The following PHLDB2 variants were observed in gnomAD, a reference collection of about 807,000 sequenced individuals.
The protein encoded by PHLDB2 is pleckstrin homology like domain family B member 2.
A neutral mutation model predicts 123.6 loss-of-function variants in PHLDB2; 71 were observed. The observed-to-expected ratio is 0.57, with a 90% CI of 0.47 to 0.70. The LOEUF (loss-of-function observed/expected upper bound fraction) is 0.70, where lower values mean the gene tolerates loss of function less well. PHLDB2 is among the 30% of genes least tolerant of loss of function. The probability of loss-of-function intolerance (pLI) is 0.00; values close to 1 mark genes in which losing one functional copy is unlikely to be tolerated. For synonymous variants in PHLDB2, 547 were observed against 541.6 expected (o/e 1.01, Z -0.14); for missense variants, 1,446 against 1,519.5 (o/e 0.95, Z 0.80).
intron 16 of PHLDB2, among the ~76,000 whole-genome samples, chr3:111,973,242 G>GAA (rs5851807): frequency 2.0e-5 from 3 of 151,574 alleles, no homozygotes; most frequent in African/African-American, 4.8e-5. Context: ...GAAAACGGGG[G>GAA]AAAAATCACG....
Position 111,952,713 on chromosome 3 carries a change from G to A in PHLDB2, c.2772+1G>A. 1 of 1,611,056 alleles carries A rather than the reference G, an allele frequency of 6.2e-7. No individual in the cohort carries two copies. The highest frequency in any genetic ancestry group is 8.5e-7 in the Non-Finnish European group (1 of 1,179,192). ...TATGGGGAGAAGCATCACCCCAAAG[G>A]TAGGACCTGGGAGAAACCACGGGCT... On this transcript the variant is annotated splice_donor_variant, in intron 11 of 17. Coordinates refer to ENST00000431670, the MANE Select transcript of PHLDB2 (RefSeq NM_001134438.2). LOFTEE classifies it high-confidence loss of function.
chr3:111,929,117 T>G (rs577592046), intron 5 of PHLDB2, among the ~76,000 whole-genome samples: 1 of 152,094 alleles, frequency 6.6e-6, no homozygotes, highest in African/African-American at 2.4e-5. Flanking sequence ...AAATAAAAAA[T>G]TAATCTGGTA....
At chr3:111,936,770 A>ATTATAAGTAAT (rs1442036584) in intron 6 of PHLDB2, among the ~76,000 whole-genome samples, 33 of 152,242 alleles carry the variant, frequency 2.2e-4, no homozygotes, top group Non-Finnish European at 4.1e-4. Context: ...AATGAAGATT[A>ATTATAAGTAAT]CTTATAAGCC....
intron 1 of PHLDB2, among the ~76,000 whole-genome samples, chr3:111,742,874 C>T (rs2059627048): frequency 6.6e-6 from 1 of 152,158 alleles, no homozygotes; most frequent in South Asian, 2.1e-4. Flanking sequence ...ACATGTTTGA[C>T]ACCTTGCTAA....
At chr3:111,963,844 T>C (rs76273862) in intron 13 of PHLDB2, among the ~76,000 whole-genome samples, 1 of 152,196 alleles carries the variant, frequency 6.6e-6, no homozygotes, top group Admixed American at 6.5e-5. Context: ...GTTCAAAAAA[T>C]TTCCAATTAA....
At chr3:111,826,496 C>T (rs13088244) in intron 1 of PHLDB2, among the ~76,000 whole-genome samples, 2,828 of 152,180 alleles carry the variant, frequency 0.019, 43 homozygotes, top group Middle Eastern at 0.031. Flanking sequence ...TTCTTAGGTA[C>T]GTGGGCAATC....
At chr3:111,946,591 C>T (rs375597483) in intron 9 of PHLDB2, among the ~76,000 whole-genome samples, 119 of 152,202 alleles carry the variant, frequency 7.8e-4, no homozygotes, top group African/African-American at 2.6e-3. Context: ...TTTCATTATT[C>T]GGAACGTGGA....
Position 111,973,349 on chromosome 3 carries a change from G to T in PHLDB2, c.3536-383G>T, listed in dbSNP as rs375419110. ...ACTTTGTAAAAATTTTATTACAACA[G>T]ATCTACATATTAATATTTTCATTAC... On this transcript the variant is annotated intron_variant, in intron 16 of 17. Transcript: ENST00000431670. Among the ~76,000 whole-genome samples the T allele has an allele frequency of 1.5e-4, 23 of 152,274 alleles. No homozygotes were observed. In the East Asian group the frequency reaches 4.0e-3, roughly 27 times the overall value.
intron 13 of PHLDB2, among the ~76,000 whole-genome samples, chr3:111,962,671 G>C (rs1280248191): frequency 6.6e-6 from 1 of 152,224 alleles, no homozygotes; most frequent in African/African-American, 2.4e-5. Flanking sequence ...GCGCATGCCT[G>C]TAATCCCAGC....
At chr3:111,906,401 A>G (rs912848820) in intron 2 of PHLDB2, among the ~76,000 whole-genome samples, 7 of 152,236 alleles carry the variant, frequency 4.6e-5, no homozygotes, top group African/African-American at 1.7e-4. Flanking sequence ...TAGCTTGGCC[A>G]GGGTCACACA....
chr3:111,949,970 T>C, intron 10 of PHLDB2: 1 of 927,186 alleles, frequency 1.1e-6, no homozygotes, highest in Non-Finnish European at 1.3e-6. Flanking sequence ...TTCTTCTACT[T>C]TCCCAAAGGC....
At chr3:111,920,937 A>T (rs1195468620) in intron 5 of PHLDB2, among the ~76,000 whole-genome samples, 2 of 152,198 alleles carry the variant, frequency 1.3e-5, no homozygotes, top group Non-Finnish European at 2.9e-5. Context: ...CTGCTTTTTG[A>T]CAAATGTATT....
chr3:111,800,473 C>G (rs1377864840), intron 1 of PHLDB2, among the ~76,000 whole-genome samples: 1 of 152,070 alleles, frequency 6.6e-6, no homozygotes, highest in African/African-American at 2.4e-5. Context: ...ATGCATATAT[C>G]ATTTTAAAAC....
rs552138950 is a variant in PHLDB2 at position 111,829,867 on chromosome 3, GT to G, written c.-48-15946del. On this transcript the variant is annotated intron_variant, in intron 1 of 17. Coordinates refer to the PHLDB2 transcript ENST00000393923. ...TCCTAAACTCACAATACTTTTTTTT[GT>G]TTTTTTTATTTCATATCACCTTACA... Among the ~76,000 whole-genome samples the G allele has an allele frequency of 7.6e-4, 110 of 144,230 alleles. 1 individual carries two copies. Among genetic ancestry groups the G allele is most frequent in the African/African-American group, 2.5e-3 (98 of 38,938 alleles). 94.6% of individuals were successfully genotyped at this position (144,230 alleles called of 152,430 possible). A position where few individuals can be genotyped will look rare whatever the true frequency, so the allele number is the denominator to read the frequency against.
intron 1 of PHLDB2, among the ~76,000 whole-genome samples, chr3:111,880,719 T>C (rs2065892434): frequency 6.6e-6 from 1 of 151,876 alleles, no homozygotes; most frequent in Non-Finnish European, 1.5e-5. Context: ...TTTTCTGCGT[T>C]AAAAACCTGT....
At chr3:111,908,703 G>A (rs2067697643) in intron 2 of PHLDB2, among the ~76,000 whole-genome samples, 1 of 152,186 alleles carries the variant, frequency 6.6e-6, no homozygotes, top group Admixed American at 6.5e-5. Context: ...CCAGAAAGAG[G>A]TGAACTGATT....
intron 5 of PHLDB2, among the ~76,000 whole-genome samples, chr3:111,921,987 A>G (rs2068539797): frequency 6.6e-6 from 1 of 152,258 alleles, no homozygotes; most frequent in African/African-American, 2.4e-5. Flanking sequence ...CTAAGTCTGC[A>G]GTACTGAAGG....
At chr3:111,969,625 A>C in intron 15 of PHLDB2, 65 bp from the exon 16 acceptor site, 1 of 1,331,204 alleles carries the variant, frequency 7.5e-7, no homozygotes, top group Non-Finnish European at 1.1e-6. Context: ...CTGCTTCTAA[A>C]CATCTGTGAC....
chr3:111,765,086 T>A (rs1353202771), intron 1 of PHLDB2, among the ~76,000 whole-genome samples: 1 of 152,220 alleles, frequency 6.6e-6, no homozygotes, highest in African/African-American at 2.4e-5. Context: ...AAAAAAAGTC[T>A]GAGGCTTGGC....
Sources: gnomAD v4.1 joint callset for allele counts (sites outside exome capture counted in the v4.1 genomes callset) on GRCh38, gnomAD v4.1.1 for gene constraint, MANE v1.5 for transcripts, NCBI Gene and HGNC (gene_info 2026-07-23, HGNC 2026-07-21) for gene names.